CAMK2B: variants seen among roughly 807,000 people sequenced by gnomAD.
The protein encoded by CAMK2B is calcium/calmodulin dependent protein kinase II beta.
In CAMK2B, 27 loss-of-function variants were observed where a neutral mutation model predicts 93.7. That is an observed-to-expected ratio of 0.29 (90% CI 0.21 to 0.40). CAMK2B has a LOEUF of 0.40. CAMK2B is among the 10% of genes least tolerant of loss of function. The probability of loss-of-function intolerance (pLI) is 1.00; values close to 1 mark genes in which losing one functional copy is unlikely to be tolerated. For synonymous variants in CAMK2B, 374 were observed against 358.8 expected (o/e 1.04, Z -0.48); for missense variants, 568 against 895.8 (o/e 0.63, Z 4.67).
At chr7:44,310,387 A>C (rs1447961721) in intron 1 of CAMK2B, among the ~76,000 whole-genome samples, 2 of 151,714 alleles carry the variant, frequency 1.3e-5, no homozygotes, top group Non-Finnish European at 2.9e-5. Context: ...ATTTGACCCA[A>C]CCCTCCTGGT....
chr7:44,313,417 C>T (rs943337268), intron 1 of CAMK2B, among the ~76,000 whole-genome samples: 2 of 151,772 alleles, frequency 1.3e-5, no homozygotes, highest in African/African-American at 4.8e-5. Flanking sequence ...AGCTACAGCC[C>T]CAGCCTTGCT....
intron 2 of CAMK2B, among the ~76,000 whole-genome samples, chr7:44,278,563 T>A (rs1464112688): frequency 6.6e-6 from 1 of 152,052 alleles, no homozygotes; most frequent in Non-Finnish European, 1.5e-5. Context: ...GGTCCCCGCA[T>A]GGGGGAGGCA....
Position 44,226,517 on chromosome 7 carries a change from T to G in CAMK2B, c.1596A>C (p.Pro532=). 7.0e-7 allele frequency: 1 copy of G among 1,432,484 alleles called. No individual in the cohort carries two copies. 88.7% of individuals were successfully genotyped at this position (1,432,484 alleles called of 1,614,324 possible). ...SPTIPGPLPT[P]SRKQEIIKTT... The stretch of plus-strand genomic sequence containing the variant: ...ACGGCCACTCAAGGTGCTACTTACA[T>G]GGGGTGGGCAGGGGGCCAGGGATAG... The change falls in exon 20 of 24, where the codon CCA becomes CCC. Residue 532 remains proline (P), a splice_region_variant and synonymous_variant. Coordinates refer to ENST00000395749, the MANE Select transcript of CAMK2B (RefSeq NM_001220.5).
intron 22 of CAMK2B, 111 bp downstream of exon 22, chr7:44,220,505 C>G (rs1192127748): frequency 9.8e-7 from 1 of 1,015,760 alleles, no homozygotes; most frequent in Non-Finnish European, 1.4e-6. Context: ...CAACCCTGGG[C>G]ACAGAGGGGA....
intron 1 of CAMK2B, among the ~76,000 whole-genome samples, chr7:44,303,216 G>A (rs1348954333): frequency 6.6e-6 from 1 of 152,126 alleles, no homozygotes; most frequent in African/African-American, 2.4e-5. Context: ...AGATCTATAT[G>A]AGGACATTTA....
rs573646332 is a variant in CAMK2B, at chr7:44,261,646, T to TA, written c.220+1358dup. On this transcript the variant is annotated intron_variant, in intron 3 of 23. Transcript: ENST00000395749. ...CTGGGCCGTATGCATGTGGACACTT[T>TA]AAAAAAAAACATTTTTAACTTTTTA... 2.6e-3 allele frequency among the ~76,000 whole-genome samples: 396 copies of TA among 151,516 alleles called. 1 individual carries two copies. Among genetic ancestry groups the TA allele is most frequent in the South Asian group, 7.3e-3 (35 of 4,806 alleles).
At chr7:44,273,808 A>G (rs1400275116) in intron 2 of CAMK2B, among the ~76,000 whole-genome samples, 3 of 152,152 alleles carry the variant, frequency 2.0e-5, no homozygotes, top group African/African-American at 7.2e-5. Flanking sequence ...TCCTTTTCAG[A>G]GAGTGGACAG....
At chr7:44,267,437 C>A (rs1003727647) in intron 2 of CAMK2B, among the ~76,000 whole-genome samples, 1 of 152,164 alleles carries the variant, frequency 6.6e-6, no homozygotes, top group Admixed American at 6.5e-5. Context: ...GGTTCTCACA[C>A]CCGCTCTGAT....
chr7:44,302,580 G>A (rs1038112806), intron 1 of CAMK2B, among the ~76,000 whole-genome samples: 3 of 152,084 alleles, frequency 2.0e-5, no homozygotes, highest in Non-Finnish European at 1.5e-5. Flanking sequence ...TTTATCCCAG[G>A]TATGCAAGTC....
chr7:44,241,804 A>C, intron 10 of CAMK2B, 21 bp from the exon 11 acceptor site: 1 of 1,601,038 alleles, frequency 6.2e-7, no homozygotes, highest in South Asian at 1.1e-5. Context: ...ATGGGTGGTC[A>C]TATGGCAGCC....
intron 5 of CAMK2B, among the ~76,000 whole-genome samples, chr7:44,253,328 C>T (rs2096798208): frequency 6.6e-6 from 1 of 151,714 alleles, no homozygotes; most frequent in African/African-American, 2.4e-5. Context: ...ATTCTCCTGC[C>T]TCAGCCTCCC....
intron 19 of CAMK2B, among the ~76,000 whole-genome samples, chr7:44,228,539 T>TG (rs1355569382): frequency 2.0e-5 from 3 of 152,032 alleles, no homozygotes; most frequent in Admixed American, 1.3e-4. Flanking sequence ...GAGAGGGGCC[T>TG]GGGGCTGGAC....
In CAMK2B at chr7:44,228,783, G is replaced by GGCCACTACC. The variant is rs1279412891; in HGVS notation, c.1468+12_1468+13insGGTAGTGGC. 4.8e-6 allele frequency: 7 copies of GGCCACTACC among 1,464,728 alleles called. No individual in the cohort carries two copies. Among genetic ancestry groups the GGCCACTACC allele is most frequent in the Middle Eastern group, 2.0e-4 (1 of 4,926 alleles). The allele number at this position is 1,464,728 out of a possible 1,614,324, so 90.7% of individuals were successfully genotyped here. ...CGGCAGCAGAGGCGGCAGGCCTGGG[G>GGCCACTACC]GCCACTACTTACACGGGGAGGACAG... is the stretch of plus-strand genomic sequence containing the variant. On this transcript the variant is annotated intron_variant, in intron 19 of 23. Coordinates refer to ENST00000395749, the MANE Select transcript of CAMK2B (RefSeq NM_001220.5).
At chr7:44,229,189 G>C in intron 18 of CAMK2B, 199 bp downstream of exon 18, 1 of 612,500 alleles carries the variant, frequency 1.6e-6, no homozygotes, top group Admixed American at 3.0e-5. Flanking sequence ...GAGCAGGAAA[G>C]TGGTCCAGGG....
chr7:44,238,643 G>C (rs2096647665), intron 13 of CAMK2B, among the ~76,000 whole-genome samples: 1 of 152,224 alleles, frequency 6.6e-6, no homozygotes, highest in African/African-American at 2.4e-5. Context: ...GTCATGAGGA[G>C]GCCTGGGGAA....
chr7:44,325,435 G>A lies in CAMK2B; in HGVS notation c.-14C>T. The A allele has an allele frequency of 4.5e-6, 5 of 1,121,750 alleles. No homozygotes were observed. Among genetic ancestry groups the A allele is most frequent in the Non-Finnish European group, 4.4e-6 (4 of 901,598 alleles). 69.5% of individuals were successfully genotyped at this position (1,121,750 alleles called of 1,614,324 possible). On this transcript the variant is annotated 5_prime_UTR_variant, in exon 1 of 24. Coordinates refer to ENST00000395749, the MANE Select transcript of CAMK2B (RefSeq NM_001220.5). ...CGTGGTGGCCATGGCGGCGGCGGAC[G>A]GGCTCGGCGTGCGCTCGGCTGCGCT... is the stretch of plus-strand genomic sequence containing the variant.
intron 2 of CAMK2B, among the ~76,000 whole-genome samples, chr7:44,278,730 G>A (rs181219177): frequency 1.1e-4 from 16 of 152,364 alleles, no homozygotes. Flanking sequence ...CACCCCAAGA[G>A]GCAGGCTGGG....
In CAMK2B at chr7:44,243,251, A is replaced by G; in HGVS notation, c.600T>C (p.Cys200=). Residue 200 remains cysteine, a splice_region_variant and synonymous_variant, in exon 8 of 24, where the codon TGT becomes TGC. Transcript: ENST00000395749. Reference sequence around the variant, plus strand: ...GCACCAACTCAGGCCAGGCCTCACCACATGCCCAGATGTCCACAGGCTTGC... The same window carrying G: ...GCACCAACTCAGGCCAGGCCTCACCGCATGCCCAGATGTCCACAGGCTTGC... ...AYGKPVDIWA[C]GVILYILLVG... is the part of the protein sequence containing the mutation. The G allele has an allele frequency of 6.2e-7, 1 of 1,612,930 alleles. No individual in the cohort carries two copies. The highest frequency in any genetic ancestry group is 8.5e-7 in the Non-Finnish European group (1 of 1,179,052).
chr7:44,273,679 C>T (rs1239307273), intron 2 of CAMK2B, among the ~76,000 whole-genome samples: 1 of 152,244 alleles, frequency 6.6e-6, no homozygotes, highest in Admixed American at 6.5e-5. Context: ...GTGCAGGACC[C>T]ACCCTGTCAG....
Sources: allele counts gnomAD v4.1 joint callset (sites outside exome capture counted in the v4.1 genomes callset), GRCh38; gene constraint gnomAD v4.1.1; transcripts MANE v1.5; gene names NCBI Gene and HGNC (gene_info 2026-07-23, HGNC 2026-07-21).